EVC: variants seen among roughly 807,000 people sequenced by gnomAD.
The protein encoded by EVC is EvC ciliary complex subunit 1, also known as evC complex member EVC.
Under a neutral mutation model 118.9 loss-of-function variants are expected in EVC, and 116 were observed. That is an observed-to-expected ratio of 0.98 (90% CI 0.84 to 1.14). EVC has a LOEUF of 1.14. EVC is among the 50% of genes most tolerant of loss of function. EVC has a pLI of 0.00. For missense variants in EVC, 1,401 were observed against 1,246.4 expected, an observed-to-expected ratio of 1.12 and a Z score of -1.87; for synonymous variants, 619 against 534.7, an observed-to-expected ratio of 1.16 and a Z score of -2.18.
chr4:5,734,656 C>CA (rs1296393263), intron 5 of EVC, among the ~76,000 whole-genome samples: 1 of 152,008 alleles, frequency 6.6e-6, no homozygotes, highest in Non-Finnish European at 1.5e-5. Flanking sequence ...CATCCTGTCT[C>CA]AAAAAACAAA....
At chr4:5,799,590 C>A (rs971022147) in intron 15 of EVC, among the ~76,000 whole-genome samples, 11 of 152,164 alleles carry the variant, frequency 7.2e-5, no homozygotes, top group African/African-American at 2.7e-4. Flanking sequence ...GCACCCCTTA[C>A]AGCACCTCGC....
intron 5 of EVC, among the ~76,000 whole-genome samples, chr4:5,740,809 A>G (rs192281282): frequency 6.6e-6 from 1 of 152,352 alleles, no homozygotes; most frequent in East Asian, 1.9e-4. Context: ...AAAAGGATAT[A>G]TAGATGGTAA....
At chr4:5,796,925 G>T in intron 13 of EVC, 97 bp from the exon 14 acceptor site, 1 of 922,948 alleles carries the variant, frequency 1.1e-6, no homozygotes, top group Non-Finnish European at 1.8e-6. Context: ...CTTCCTTTTG[G>T]AGGGGCCTCT....
At chr4:5,763,450 A>T (rs1249513996) in intron 11 of EVC, among the ~76,000 whole-genome samples, 5 of 121,614 alleles carry the variant, frequency 4.1e-5, no homozygotes, top group African/African-American at 1.5e-4. Flanking sequence ...AGTCATTGGT[A>T]GCTTGATGGG....
rs1560316633 is a variant in EVC, at chr4:5,742,090, G to A, written c.801+276G>A. On this transcript the variant is annotated intron_variant, in intron 6 of 20. Transcript: ENST00000264956. The surrounding 1 kb of genome is among the most constrained non-coding windows in gnomAD (Gnocchi z 5.2). The stretch of plus-strand genomic sequence containing the variant: ...AATGTTTTTTTCTGCACACATTTGG[G>A]ATATTTTTAAAGACATAATTTGTTT... 6.6e-6 allele frequency among the ~76,000 whole-genome samples: 1 copy of A among 152,070 alleles called. No homozygotes were observed. Among genetic ancestry groups the A allele is most frequent in the Non-Finnish European group, 1.5e-5 (1 of 68,016 alleles).
intron 13 of EVC, among the ~76,000 whole-genome samples, chr4:5,794,345 A>ATT (rs1380699076): frequency 2.7e-3 from 143 of 52,530 alleles, no homozygotes; most frequent in Middle Eastern, 0.01. Flanking sequence ...TTATATACTT[A>ATT]TATATATATT....
chr4:5,805,890 TC>T (rs1247726691), intron 17 of EVC, among the ~76,000 whole-genome samples: 6 of 116,696 alleles, frequency 5.1e-5, no homozygotes, highest in Admixed American at 9.5e-5. Flanking sequence ...CAGTTTCTTT[TC>T]TTTTTTTTTT....
Position 5,813,750 on chromosome 4 carries a change from C to T in EVC, c.*2713C>T, listed in dbSNP as rs3733188. 0.42 allele frequency: 63,328 copies of T among 152,044 alleles called. 13,449 individuals are homozygous for T. The highest frequency in any genetic ancestry group is 0.47 in the South Asian group (2,242 of 4,818). 9.4% of individuals were successfully genotyped at this position (152,044 alleles called of 1,614,324 possible). A position where few individuals can be genotyped will look rare whatever the true frequency, so the allele number is the denominator to read the frequency against. On this transcript the variant is annotated 3_prime_UTR_variant, in exon 21 of 21. Coordinates refer to ENST00000264956, the MANE Select transcript of EVC (RefSeq NM_153717.3). ...GCTTGTAGCCTGAATGCCTGGCTGT[C>T]GCATGGAGCATTTTGCTTCTGGGGT...
rs1322846286 is a variant in EVC at position 5,777,586 on chromosome 4, T to A, written c.1564-5966T>A. 2.6e-5 allele frequency among the ~76,000 whole-genome samples: 4 copies of A among 152,212 alleles called. No individual in the cohort carries two copies. The East Asian group carries it at 7.7e-4, about 29-fold the overall frequency. On this transcript the variant is annotated intron_variant, in intron 11 of 20. Coordinates refer to ENST00000264956, the MANE Select transcript of EVC (RefSeq NM_153717.3). ...ATGTACTCATCACAATCTTGTTAGA[T>A]CTTTGCAACTTTTATGAAGATTTAA...
intron 2 of EVC, among the ~76,000 whole-genome samples, chr4:5,722,149 A>G (rs1725061555): frequency 6.6e-6 from 1 of 152,186 alleles, no homozygotes; most frequent in African/African-American, 2.4e-5. Context: ...CTCATTTTAA[A>G]TGACAGCAGT....
At chr4:5,770,022 G>T (rs907166209) in intron 11 of EVC, among the ~76,000 whole-genome samples, 1 of 152,082 alleles carries the variant, frequency 6.6e-6, no homozygotes, top group Non-Finnish European at 1.5e-5. Flanking sequence ...GATAATGGAA[G>T]GCTACAGACT....
chr4:5,723,680 C>A (rs1018343384), intron 2 of EVC, among the ~76,000 whole-genome samples: 1 of 152,084 alleles, frequency 6.6e-6, no homozygotes, highest in African/African-American at 2.4e-5. Context: ...AATGTGTCTC[C>A]CCTGGACAGT....
Position 5,811,169 on chromosome 4 carries a change from A to G in EVC, c.*132A>G. 1 of 740,526 alleles carries G rather than the reference A, an allele frequency of 1.4e-6. No homozygotes were observed. 45.9% of individuals were successfully genotyped at this position (740,526 alleles called of 1,614,324 possible). On this transcript the variant is annotated 3_prime_UTR_variant, in exon 21 of 21. Coordinates refer to ENST00000264956, the MANE Select transcript of EVC (RefSeq NM_153717.3). The stretch of plus-strand genomic sequence containing the variant: ...ATCTCTAGGCTCTTCTGAGAGGGAC[A>G]GAGAAAGAATAGAAATGTGCCCTAA...
chr4:5,805,403 G>A (rs931107552), intron 17 of EVC, among the ~76,000 whole-genome samples: 3 of 152,280 alleles, frequency 2.0e-5, no homozygotes, highest in South Asian at 2.1e-4. Flanking sequence ...GAAGGGGCCC[G>A]CCGACCGGGC....
intron 8 of EVC, among the ~76,000 whole-genome samples, chr4:5,748,626 A>C (rs1300272089): frequency 8.1e-6 from 1 of 123,908 alleles, no homozygotes; most frequent in African/African-American, 3.2e-5. Context: ...CCACCCATCC[A>C]TCCATCTGCC....
chr4:5,720,267 C>T (rs771168677), intron 2 of EVC, among the ~76,000 whole-genome samples: 2 of 152,162 alleles, frequency 1.3e-5, no homozygotes, highest in African/African-American at 2.4e-5. Context: ...GTGAGTGATG[C>T]CAACACTCAC....
At chr4:5,799,276 C>T (rs539050239) in intron 15 of EVC, among the ~76,000 whole-genome samples, 1 of 152,302 alleles carries the variant, frequency 6.6e-6, no homozygotes, top group African/African-American at 2.4e-5. Flanking sequence ...TGGTTTAACT[C>T]CTTATACTGA....
intron 13 of EVC, among the ~76,000 whole-genome samples, chr4:5,794,321 ATATT>A (rs1279787701): frequency 3.0e-5 from 4 of 131,978 alleles, no homozygotes; most frequent in Non-Finnish European, 6.4e-5. Flanking sequence ...ATATTTATAT[ATATT>A]TATATATATT....
intron 11 of EVC, among the ~76,000 whole-genome samples, chr4:5,766,975 C>T (rs1383984620): frequency 6.6e-6 from 1 of 151,510 alleles, no homozygotes; most frequent in Non-Finnish European, 1.5e-5. Context: ...AGGAGAGGCG[C>T]TCTGCTTTTT....
Sources: gnomAD v4.1 joint callset for allele counts (sites outside exome capture counted in the v4.1 genomes callset) on GRCh38, gnomAD v4.1.1 for gene constraint, Gnocchi (gnomAD v3.1) non-coding constraint, MANE v1.5 for transcripts, NCBI Gene and HGNC (gene_info 2026-07-23, HGNC 2026-07-21) for gene names.